DNAH9: variants seen among roughly 807,000 people sequenced by gnomAD.
DNAH9 encodes DNAH9 variant protein.
Under a neutral mutation model 471.6 loss-of-function variants are expected in DNAH9, and 345 were observed. The observed-to-expected ratio is 0.73, with a 90% CI of 0.67 to 0.80. DNAH9 has a LOEUF of 0.80. Ranked by LOEUF, DNAH9 falls within the 30% of genes least tolerant of loss-of-function variation. The pLI is 0.00. For missense variants in DNAH9, 5,407 were observed against 5,609.2 expected (o/e 0.96, Z 1.15); for synonymous variants, 2,093 against 2,123.6 (o/e 0.99, Z 0.40).
At chr17:11,919,671 A>C (rs1413506685) in intron 61 of DNAH9, among the ~76,000 whole-genome samples, 1 of 152,120 alleles carries the variant, frequency 6.6e-6, no homozygotes, top group Non-Finnish European at 1.5e-5. Flanking sequence ...TATTCCTTTT[A>C]TTAATACTTA....
intron 32 of DNAH9, among the ~76,000 whole-genome samples, chr17:11,751,428 C>T (rs1415094102): frequency 4.0e-5 from 6 of 151,860 alleles, no homozygotes; most frequent in Admixed American, 3.3e-4. Flanking sequence ...AAAGCTATTC[C>T]AGGAATGTAG....
chr17:11,680,683 G>A (rs2074118297), intron 18 of DNAH9, 40 bp from the exon 19 acceptor site: 1 of 1,592,342 alleles, frequency 6.3e-7, no homozygotes, highest in Non-Finnish European at 8.6e-7. Context: ...AGAGGAAAGA[G>A]CACCTTGGGA....
intron 67 of DNAH9, among the ~76,000 whole-genome samples, chr17:11,942,850 G>A (rs1486441601): frequency 2.0e-5 from 3 of 151,942 alleles, no homozygotes; most frequent in African/African-American, 7.3e-5. Context: ...TGCCTTTGAG[G>A]AGCTGAGGAA....
intron 17 of DNAH9, 122 bp from the exon 18 acceptor site, chr17:11,679,635 C>T: frequency 1.4e-6 from 1 of 722,448 alleles, no homozygotes; most frequent in Non-Finnish European, 2.5e-6. Flanking sequence ...AGTGCTTAGT[C>T]AAGTGTTGGG....
intron 27 of DNAH9, chr17:11,723,487 A>G (rs2075097315): frequency 6.6e-6 from 1 of 151,138 alleles, no homozygotes; most frequent in South Asian, 2.1e-4. Context: ...AGCTAAACAC[A>G]TGGGTTACTT....
intron 39 of DNAH9, among the ~76,000 whole-genome samples, chr17:11,782,944 G>T (rs2076096976): frequency 6.6e-6 from 1 of 152,100 alleles, no homozygotes; most frequent in African/African-American, 2.4e-5. Context: ...ATTCTATTGG[G>T]TTAAAAAATT....
chr17:11,896,735 AT>A (rs1156986500), intron 59 of DNAH9, among the ~76,000 whole-genome samples: 2 of 152,234 alleles, frequency 1.3e-5, no homozygotes, highest in Non-Finnish European at 2.9e-5. Flanking sequence ...CAAAAGAAAT[AT>A]AATGCAAACC....
chr17:11,599,098 G>A (rs1186811732), intron 1 of DNAH9, among the ~76,000 whole-genome samples, 183 bp downstream of exon 1: 1 of 151,982 alleles, frequency 6.6e-6, no homozygotes, highest in African/African-American at 2.4e-5. Context: ...AGTTCCTGAA[G>A]TCAGGAAGAA....
At chr17:11,695,669 A>C (rs1055081578) in intron 22 of DNAH9, among the ~76,000 whole-genome samples, 2 of 152,242 alleles carry the variant, frequency 1.3e-5, no homozygotes, top group Non-Finnish European at 2.9e-5. Context: ...TTGGGAGTGC[A>C]TCAGAATCAC....
chr17:11,643,786 C>T (rs566762589), intron 10 of DNAH9, among the ~76,000 whole-genome samples: 42 of 152,224 alleles, frequency 2.8e-4, no homozygotes, highest in African/African-American at 9.9e-4. Context: ...GATCAATACA[C>T]TCTATGGTCC....
chr17:11,931,965 G>C, intron 63 of DNAH9, 49 bp from the exon 64 acceptor site: 1 of 1,597,962 alleles, frequency 6.3e-7, no homozygotes, highest in African/African-American at 1.3e-5. Flanking sequence ...AGCCAGCCCC[G>C]TATAAGAGAA....
At chr17:11,790,825 T>C (rs1012859079) in intron 41 of DNAH9, among the ~76,000 whole-genome samples, 1 of 152,166 alleles carries the variant, frequency 6.6e-6, no homozygotes, top group Non-Finnish European at 1.5e-5. Flanking sequence ...TTGCTATTCA[T>C]CTAATGGTTA....
chr17:11,921,146 G>C (rs1418775729), intron 61 of DNAH9, among the ~76,000 whole-genome samples: 2 of 151,944 alleles, frequency 1.3e-5, no homozygotes, highest in African/African-American at 4.8e-5. Context: ...GGGAGGCTGA[G>C]GCAGGAGAAT....
chr17:11,762,778 T>TGTTTTTTTTG (rs796830222), intron 35 of DNAH9, among the ~76,000 whole-genome samples: 35 of 98,114 alleles, frequency 3.6e-4, no homozygotes, highest in African/African-American at 1.2e-3. Flanking sequence ...TTGTTTTTTT[T>TGTTTTTTTTG]TTTTTTTTTT....
chr17:11,850,591 C>G (rs1292726197), intron 49 of DNAH9, among the ~76,000 whole-genome samples: 3 of 149,798 alleles, frequency 2.0e-5, no homozygotes, highest in Non-Finnish European at 4.4e-5. Context: ...GTGGAGGTTG[C>G]AGTGAGCCAA....
intron 62 of DNAH9, among the ~76,000 whole-genome samples, chr17:11,926,035 GAAAAAAAAAAAAA>G (rs71142253): frequency 6.7e-5 from 4 of 59,896 alleles, no homozygotes; most frequent in African/African-American, 3.2e-4. Flanking sequence ...GAGATTCTCT[GAAAAAAAAAAAAA>G]AAAAAAAAAA....
intron 62 of DNAH9, among the ~76,000 whole-genome samples, chr17:11,927,999 G>C (rs1027441988): frequency 1.3e-5 from 2 of 152,076 alleles, no homozygotes; most frequent in Non-Finnish European, 2.9e-5. Context: ...TGCTCCAATT[G>C]ATTTGATTAT....
rs1974540941 is a variant in DNAH9, at chr17:11,932,224, C to T, written c.12297+19C>T. ...CGCAAAGGTAAAGGCCATGGACATT[C>T]AGGGACCAGCCAGGTTGGGAGAGGG... On this transcript the variant is annotated intron_variant, in intron 64 of 68. Transcript: ENST00000262442. The surrounding 1 kb of genome is among the most constrained non-coding windows in gnomAD (Gnocchi z 4.3). The T allele has an allele frequency of 4.4e-6, 7 of 1,607,918 alleles. No homozygotes were observed. The highest frequency in any genetic ancestry group is 1.7e-5 in the Admixed American group (1 of 59,680).
chr17:11,902,467 C>G lies in DNAH9; in HGVS notation c.11407-252C>G, dbSNP rs890439625. ...TACACACCTACAGGCAGGTGTGGCT[C>G]AGTCTCTGCTGCTAATAATATCCCA... is the stretch of plus-strand genomic sequence containing the variant. On this transcript the variant is annotated intron_variant, in intron 59 of 68. Transcript: ENST00000262442. Among the ~76,000 whole-genome samples, 15 of 152,178 alleles carry G rather than the reference C, an allele frequency of 9.9e-5. 1 individual carries two copies. The highest frequency in any genetic ancestry group is 7.9e-4 in the Admixed American group (12 of 15,278).
Sources: gnomAD v4.1 joint callset for allele counts (sites outside exome capture counted in the v4.1 genomes callset) on GRCh38, gnomAD v4.1.1 for gene constraint, Gnocchi (gnomAD v3.1) non-coding constraint, MANE v1.5 for transcripts, NCBI Gene and HGNC (gene_info 2026-07-23, HGNC 2026-07-21) for gene names.